Variants in ANK3 observed in about 807,000 individuals in gnomAD.
ANK3 encodes ankyrin 3.
A neutral mutation model predicts 370.9 loss-of-function variants in ANK3; 57 were observed. That is an observed-to-expected ratio of 0.15 (90% CI 0.12 to 0.19). ANK3 has a LOEUF of 0.19. Among genes scored for constraint, ANK3 ranks in the 10% least tolerant of loss-of-function variants. The pLI is 1.00. For missense variants in ANK3, 4,439 were observed against 5,302.1 expected, an observed-to-expected ratio of 0.84 and a Z score of 5.06; for synonymous variants, 1,929 against 1,946.3, an observed-to-expected ratio of 0.99 and a Z score of 0.23.
chr10:60,059,391 C>T lies in ANK3; in HGVS notation c.12635G>A (p.Cys4212Tyr), dbSNP rs769984346. ...ACCAGTTACTCTTCGAGCTTGAGCG[C>T]AGGACTCTAGGTTTCCACTTGATGT... Reference protein sequence around the residue: ...NETSSGNLESCAQARRVTGGL... With the variant: ...NETSSGNLESYAQARRVTGGL... Residue 4212 changes from cysteine (C) to tyrosine (Y), a missense_variant, in exon 41 of 44, where the codon TGC (cysteine) becomes TAC (tyrosine). Physicochemically the swap from Cys to Tyr is radical, Grantham distance 194. Around this residue, in one of 13 missense-constraint regions of ANK3, gnomAD observed 242 missense variants for 228.0 expected, o/e 1.06. Transcript: ENST00000280772. 6 of 1,614,108 alleles carry T rather than the reference C, an allele frequency of 3.7e-6. No homozygotes were observed. The highest frequency in any genetic ancestry group is 5.1e-6 in the Non-Finnish European group (6 of 1,180,004).
intron 16 of ANK3, among the ~76,000 whole-genome samples, chr10:60,193,674 A>G (rs189695027): frequency 1.7e-3 from 255 of 151,672 alleles, no homozygotes; most frequent in African/African-American, 5.9e-3. Context: ...AGAAAGAGAG[A>G]TTGGAGTCAT....
rs537143226 is a variant in ANK3, at chr10:60,161,652, A to G, written c.2614+4939T>C. Among the ~76,000 whole-genome samples the G allele has an allele frequency of 2.6e-5, 4 of 152,254 alleles. No homozygotes were observed. The East Asian group carries it at 7.7e-4, about 29-fold the overall frequency. ...AAGCTAGGCACAGAAAGATAAATTTAGCACGTTCTCACTCATATGTGGGAA... is the reference window on the plus strand; with the variant it reads ...AAGCTAGGCACAGAAAGATAAATTTGGCACGTTCTCACTCATATGTGGGAA... On this transcript the variant is annotated intron_variant, in intron 23 of 43. Transcript: ENST00000280772.
chr10:60,703,542 T>C (rs558889170), intron 1 of ANK3, among the ~76,000 whole-genome samples: 61 of 152,316 alleles, frequency 4.0e-4, no homozygotes, highest in Middle Eastern at 6.8e-3. Flanking sequence ...GGTTTCTATC[T>C]TCAAACACCA....
chr10:60,132,466 T>A (rs1375773536), intron 25 of ANK3, among the ~76,000 whole-genome samples: 1 of 152,082 alleles, frequency 6.6e-6, no homozygotes, highest in African/African-American at 2.4e-5. Context: ...CCTGCCACCA[T>A]GTAAGATGTC....
intron 2 of ANK3, among the ~76,000 whole-genome samples, chr10:60,575,901 T>C (rs904848205): frequency 3.3e-5 from 5 of 152,182 alleles, no homozygotes; most frequent in African/African-American, 9.7e-5. Flanking sequence ...TTCAAAGAAA[T>C]AATGATTGTT....
At chr10:60,635,814 C>T (rs2078546997) in intron 1 of ANK3, among the ~76,000 whole-genome samples, 2 of 151,954 alleles carry the variant, frequency 1.3e-5, no homozygotes. Flanking sequence ...TCTCCCATCT[C>T]ACATTGCACA....
At chr10:60,727,595 A>T (rs2079959523) in intron 1 of ANK3, among the ~76,000 whole-genome samples, 1 of 152,200 alleles carries the variant, frequency 6.6e-6, no homozygotes. Flanking sequence ...ACATGTACAC[A>T]TACCAACACA....
upstream of ANK3, among the ~76,000 whole-genome samples, chr10:60,394,164 C>T (rs1466067771): frequency 6.8e-6 from 1 of 147,684 alleles, no homozygotes; most frequent in Non-Finnish European, 1.5e-5. Context: ...TATTGGCATC[C>T]TAGATGATAT....
At chr10:60,408,237 C>T (rs1354502110) in intron 2 of ANK3, among the ~76,000 whole-genome samples, 36 of 152,118 alleles carry the variant, frequency 2.4e-4, no homozygotes, top group Admixed American at 2.4e-3. Flanking sequence ...GTGTCCCCAC[C>T]CATGTTTAAT....
intron 1 of ANK3, among the ~76,000 whole-genome samples, chr10:60,716,347 G>A (rs1428147893): frequency 2.0e-5 from 3 of 152,006 alleles, no homozygotes; most frequent in Non-Finnish European, 4.4e-5. Flanking sequence ...AACTGGAGAA[G>A]CAAAATGTGT....
At chr10:60,403,035 A>G (rs2063383798) in intron 2 of ANK3, among the ~76,000 whole-genome samples, 1 of 152,248 alleles carries the variant, frequency 6.6e-6, no homozygotes, top group Non-Finnish European at 1.5e-5. Context: ...AAACATATAG[A>G]TAAGAAAAAG....
intron 1 of ANK3, among the ~76,000 whole-genome samples, chr10:60,631,403 G>A (rs1323856456): frequency 2.6e-5 from 4 of 151,928 alleles, no homozygotes; most frequent in Admixed American, 6.6e-5. Context: ...ATGGAGGTGC[G>A]TGCCTCTAGT....
chr10:60,168,632 T>C (rs1279294208), intron 21 of ANK3, among the ~76,000 whole-genome samples: 1 of 152,152 alleles, frequency 6.6e-6, no homozygotes, highest in Non-Finnish European at 1.5e-5. Context: ...GGTGGTTTAC[T>C]GCACCTATGA....
At chr10:60,207,301 C>T (rs1483233497) in intron 10 of ANK3, among the ~76,000 whole-genome samples, 1 of 152,084 alleles carries the variant, frequency 6.6e-6, no homozygotes, top group Non-Finnish European at 1.5e-5. Context: ...GGGCAAAAAC[C>T]CTTCCTAAAA....
intron 2 of ANK3, among the ~76,000 whole-genome samples, chr10:60,574,307 C>T (rs1293102982): frequency 6.6e-6 from 1 of 152,134 alleles, no homozygotes; most frequent in Admixed American, 6.6e-5. Context: ...CAGAGAGCCA[C>T]GTGGATTTTA....
At chr10:60,624,437 AC>A (rs2078380616) in intron 1 of ANK3, among the ~76,000 whole-genome samples, 1 of 152,170 alleles carries the variant, frequency 6.6e-6, no homozygotes, top group Non-Finnish European at 1.5e-5. Flanking sequence ...CTGGGAAAGA[AC>A]AACTGGAAGC....
At chr10:60,380,983 G>C (rs1280584330) in intron 1 of ANK3, among the ~76,000 whole-genome samples, 2 of 152,114 alleles carry the variant, frequency 1.3e-5, no homozygotes, top group Non-Finnish European at 2.9e-5. Context: ...GCCACCTTAG[G>C]TTCAGAAACC....
rs1567163686 is a variant in ANK3 at position 60,583,504 on chromosome 10, G to GT, written c.96+31681dup. On this transcript the variant is annotated intron_variant, in intron 2 of 43. Coordinates refer to the ANK3 transcript ENST00000373827. ...ATATTTCCATATAGCTTACAGAGAG[G>GT]TTTTTTGTTTTTTGTTTTTTGTTTT... Among the ~76,000 whole-genome samples the GT allele has an allele frequency of 2.7e-4, 36 of 131,988 alleles. 3 individuals are homozygous for GT. Among genetic ancestry groups the GT allele is most frequent in the African/African-American group, 7.5e-4 (27 of 36,056 alleles). The allele number at this position is 131,988 out of a possible 152,430, so 86.6% of individuals were successfully genotyped here. A position where few individuals can be genotyped will look rare whatever the true frequency, so the allele number is the denominator to read the frequency against.
chr10:60,575,235 G>T (rs183006513), intron 2 of ANK3, among the ~76,000 whole-genome samples: 1 of 152,154 alleles, frequency 6.6e-6, no homozygotes, highest in African/African-American at 2.4e-5. Flanking sequence ...TGTGACTAAG[G>T]GTAGTTGTTC....
Sources: gnomAD v4.1 joint callset for allele counts (sites outside exome capture counted in the v4.1 genomes callset) on GRCh38, gnomAD v4.1.1 for gene constraint, gnomAD v4.1.1 regional missense constraint, MANE v1.5 for transcripts, NCBI Gene and HGNC (gene_info 2026-07-23, HGNC 2026-07-21) for gene names.